Variants in FRMD7 observed in about 807,000 individuals in gnomAD.
The protein encoded by FRMD7 is FERM domain containing 7.
Under a neutral mutation model 44.1 loss-of-function variants are expected in FRMD7, and 14 were observed. The observed-to-expected ratio is 0.32, with a 90% CI of 0.21 to 0.50. The LOEUF is 0.50. Among genes scored for constraint, FRMD7 ranks in the 20% least tolerant of loss-of-function variants. FRMD7 has a pLI of 0.99. For synonymous variants in FRMD7, 212 were observed against 187.4 expected, an observed-to-expected ratio of 1.13 and a Z score of -1.07; for missense variants, 501 against 522.3, an observed-to-expected ratio of 0.96 and a Z score of 0.40.
Position 132,084,545 on chromosome X carries a change from C to A in FRMD7, c.686G>T (p.Arg229Leu). The change falls in exon 8 of 12, where the codon CGC becomes CTC. Residue 229 changes from arginine to leucine, a missense_variant. Physicochemically the swap from Arg to Leu is moderately radical, Grantham distance 102. This residue lies in a region of FRMD7 where 453 missense variants were observed against 452.7 expected (regional missense o/e 1.00). Transcript: ENST00000298542. Reference sequence around the variant, plus strand: ...ATGCTTTCTCTTAAAACTCAACTTGCGGATTTTAGCCCAGTTAAAAGTATT... The same window carrying A: ...ATGCTTTCTCTTAAAACTCAACTTGAGGATTTTAGCCCAGTTAAAAGTATT... The part of the protein sequence containing the change: ...KINTFNWAKI[R>L]KLSFKRKHFL... 8.5e-7 allele frequency: 1 copy of A among 1,182,410 alleles called. No individual in the cohort carries two copies. Among genetic ancestry groups the A allele is most frequent in the Non-Finnish European group, 1.2e-6 (1 of 868,725 alleles).
At chrX:132,126,799 C>A (rs1167382875) in intron 1 of FRMD7, among the ~76,000 whole-genome samples, 1 of 111,880 alleles carries the variant, frequency 8.9e-6, no homozygotes, top group Non-Finnish European at 1.9e-5. Flanking sequence ...ACTAGAAATG[C>A]CTTTTGCGCA....
chrX:132,125,135 C>G (rs770662482), intron 1 of FRMD7, among the ~76,000 whole-genome samples: 209 of 111,672 alleles, frequency 1.9e-3, no homozygotes, highest in Non-Finnish European at 3.6e-3. Flanking sequence ...ATGTCAGTCT[C>G]TGACTCCAGT....
Position 132,084,569 on chromosome X carries a change from T to C in FRMD7, c.662A>G (p.Asn221Ser). ...VLVLRGNTKINTFNWAKIRKL... is the reference protein window; with the variant it reads ...VLVLRGNTKISTFNWAKIRKL... ...GCGGATTTTAGCCCAGTTAAAAGTA[T>C]TGATCTTTGTATTTCCCTACAATGA... The change falls in exon 8 of 12, where the codon AAT becomes AGT. Residue 221 changes from asparagine (N) to serine (S), a missense_variant. Physicochemically the swap from Asn to Ser is conservative, Grantham distance 46 (BLOSUM62 1). Transcript: ENST00000298542. 1.7e-6 allele frequency: 2 copies of C among 1,143,593 alleles called. No homozygotes were observed. The highest frequency in any genetic ancestry group is 2.4e-6 in the Non-Finnish European group (2 of 833,231). The allele number at this position is 1,143,593 out of a possible 1,213,427, so 94.2% of individuals were successfully genotyped here.
At chrX:132,121,800 A>G (rs1234716953) in intron 1 of FRMD7, among the ~76,000 whole-genome samples, 3 of 111,614 alleles carry the variant, frequency 2.7e-5, no homozygotes, top group Non-Finnish European at 5.6e-5. Flanking sequence ...ATGACCATGG[A>G]ACAATTTAGA....
At chrX:132,099,593 A>C in intron 2 of FRMD7, 83 bp from the exon 3 acceptor site, 3 of 647,129 alleles carry the variant, frequency 4.6e-6, no homozygotes, top group Admixed American at 4.9e-5. Flanking sequence ...AAAGATTAAC[A>C]TGAAATAAAT....
At chrX:132,097,566 C>A (rs1262150024) in intron 3 of FRMD7, among the ~76,000 whole-genome samples, 1 of 111,036 alleles carries the variant, frequency 9.0e-6, no homozygotes, top group Non-Finnish European at 1.9e-5. Flanking sequence ...TGGGAAAGTT[C>A]TCCCACCCCT....
intron 1 of FRMD7, among the ~76,000 whole-genome samples, chrX:132,110,387 T>C (rs138695929): frequency 9.0e-6 from 1 of 110,861 alleles, no homozygotes; most frequent in East Asian, 2.9e-4. Flanking sequence ...GATGGCTCTG[T>C]AATAGGTGCA....
At chrX:132,102,889 G>A (rs1361326899) in intron 1 of FRMD7, among the ~76,000 whole-genome samples, 2 of 112,147 alleles carry the variant, frequency 1.8e-5, no homozygotes, top group Non-Finnish European at 3.8e-5. Flanking sequence ...CAATTACAAA[G>A]CATATGTAGC....
In FRMD7 at chrX:132,080,381, T is replaced by C. The variant is rs761507119; in HGVS notation, c.906-115A>G. ...AAGACTAGATGAATGACATATGTCA[T>C]GAATCTTTGACCATCACAATGATAA... On this transcript the variant is annotated intron_variant, in intron 9 of 11. Transcript: ENST00000298542. 5.2e-5 allele frequency: 28 copies of C among 538,840 alleles called. No homozygotes were observed. In the African/African-American group the frequency reaches 5.8e-4, roughly 11 times the overall value. 44.4% of individuals were successfully genotyped at this position (538,840 alleles called of 1,213,427 possible).
chrX:132,078,547 A>G lies in FRMD7; in HGVS notation c.1470T>C (p.Ile490=). The G allele has an allele frequency of 8.3e-7, 1 of 1,211,753 alleles. No homozygotes were observed. Among genetic ancestry groups the G allele is most frequent in the African/African-American group, 1.7e-5 (1 of 57,801 alleles). Reference sequence around the variant, plus strand: ...CATAAAAAAAGACCTGGGGAGGCATAATACCAACCTGCTGACCTGTACAAG... The same window carrying G: ...CATAAAAAAAGACCTGGGGAGGCATGATACCAACCTGCTGACCTGTACAAG... The part of the protein sequence containing the change: ...YIPCTGQQVG[I]MPPQVFFYVD... The change falls in exon 12 of 12, where the codon ATT becomes ATC. Residue 490 remains isoleucine, a synonymous_variant. Transcript: ENST00000298542.
intron 1 of FRMD7, among the ~76,000 whole-genome samples, chrX:132,110,626 A>C (rs938919758): frequency 9.0e-6 from 1 of 111,687 alleles, no homozygotes; most frequent in Non-Finnish European, 1.9e-5. Flanking sequence ...CACATGCACA[A>C]CAAGGGGCTA....
chrX:132,125,822 A>G (rs1339886269), intron 1 of FRMD7, among the ~76,000 whole-genome samples: 1 of 111,640 alleles, frequency 9.0e-6, no homozygotes, highest in Non-Finnish European at 1.9e-5. Flanking sequence ...TACTGTTTAC[A>G]ATTGTATATG....
At chrX:132,102,936 G>A (rs1208692840) in intron 1 of FRMD7, among the ~76,000 whole-genome samples, 1 of 112,074 alleles carries the variant, frequency 8.9e-6, no homozygotes, top group Non-Finnish European at 1.9e-5. Context: ...CCTTCGTTTT[G>A]CTTCCTTCCG....
chrX:132,077,891 C>G lies in FRMD7; in HGVS notation c.2126G>C (p.Cys709Ser). The G allele has an allele frequency of 8.3e-7, 1 of 1,210,308 alleles. No individual in the cohort carries two copies. Among genetic ancestry groups the G allele is most frequent in the South Asian group, 1.8e-5 (1 of 56,972 alleles). The change falls in exon 12 of 12, where the codon TGT becomes TCT. Residue 709 changes from cysteine to serine, a missense_variant. Cys to Ser is a moderately radical substitution (Grantham distance 112). Transcript: ENST00000298542. ...ACACTTTTAAGCTAAAAAGTAATTA[C>G]ATGGTTTTAGTGAAGTCCTGTCTTC... is the stretch of plus-strand genomic sequence containing the variant. ...TAEDRTSLKP[C>S]NYFLA
intron 5 of FRMD7, among the ~76,000 whole-genome samples, chrX:132,087,499 AT>A (rs1222486639): frequency 9.0e-5 from 10 of 111,496 alleles, no homozygotes; most frequent in Admixed American, 4.8e-4. Flanking sequence ...TATAATAAAC[AT>A]TTTTTAAAAG....
In FRMD7 at chrX:132,119,635, A is replaced by G. The variant is rs763984321; in HGVS notation, c.57+8153T>C. On this transcript the variant is annotated intron_variant, in intron 1 of 11. Transcript: ENST00000298542. ...GTAAAGAGGCTGAGAAGGAATACAG[A>G]AAAAGGGGCTGAAATTAGATGATGT... 3.6e-5 allele frequency among the ~76,000 whole-genome samples: 4 copies of G among 111,706 alleles called. No individual in the cohort carries two copies. In the South Asian group the frequency reaches 1.5e-3, roughly 42 times the overall value.
intron 1 of FRMD7, among the ~76,000 whole-genome samples, chrX:132,101,309 T>G (rs1928492489): frequency 9.0e-6 from 1 of 111,628 alleles, no homozygotes; most frequent in Non-Finnish European, 1.9e-5. Context: ...TCTGCTCATG[T>G]CATCCTTCTC....
At chrX:132,091,649 C>G (rs184275631) in intron 5 of FRMD7, among the ~76,000 whole-genome samples, 1 of 103,842 alleles carries the variant, frequency 9.6e-6, no homozygotes, top group Admixed American at 1.0e-4. Context: ...CATGGTGAAA[C>G]CCTGTCTCTA....
In FRMD7 at chrX:132,078,953, C is replaced by T. The variant is rs775898221; in HGVS notation, c.1064G>A (p.Arg355Lys). The T allele has an allele frequency of 1.7e-6, 2 of 1,208,662 alleles. No homozygotes were observed. The highest frequency in any genetic ancestry group is 5.9e-5 in the East Asian group (2 of 33,828). ...GTAGTAGCCACCACCATATGCTAGTCTCAAATCTTCCACCTTGAGAGAATG... is the reference window on the plus strand; with the variant it reads ...GTAGTAGCCACCACCATATGCTAGTTTCAAATCTTCCACCTTGAGAGAATG... ...SDVSKQVEDLRLAYGGGYYQN... is the reference protein window; with the variant it reads ...SDVSKQVEDLKLAYGGGYYQN... Residue 355 changes from arginine (R) to lysine (K), a missense_variant, in exon 12 of 12, where the codon AGA becomes AAA. Physicochemically the swap from Arg to Lys is conservative, Grantham distance 26. This residue lies in a region of FRMD7 where 453 missense variants were observed against 452.7 expected (regional missense o/e 1.00). Coordinates refer to ENST00000298542, the MANE Select transcript of FRMD7 (RefSeq NM_194277.3).
Sources: allele counts gnomAD v4.1 joint callset (sites outside exome capture counted in the v4.1 genomes callset), GRCh38; gene constraint gnomAD v4.1.1; regional missense constraint gnomAD v4.1.1; transcripts MANE v1.5; gene names NCBI Gene and HGNC (gene_info 2026-07-23, HGNC 2026-07-21).